ACTR3C: variants seen among roughly 807,000 people sequenced by gnomAD.
ACTR3C encodes actin related protein 3C.
Under a neutral mutation model 26.3 loss-of-function variants are expected in ACTR3C, and 18 were observed. The observed-to-expected ratio is 0.68, with a 90% CI of 0.47 to 1.01. The LOEUF is 1.01. ACTR3C is among the 50% of genes least tolerant of loss of function. The pLI is 0.00. For synonymous variants in ACTR3C, 55 were observed against 94.5 expected (o/e 0.58, Z 2.42); for missense variants, 184 against 250.7 (o/e 0.73, Z 1.80).
the ACTR3C span, among the ~76,000 whole-genome samples, chr7:150,175,319 T>C: frequency 7.0e-6 from 1 of 143,856 alleles, no homozygotes; most frequent in Non-Finnish European, 1.5e-5. Context: ...ATCCTCAGTC[T>C]GCCATTCAGA....
chr7:149,967,881 G>C, the ACTR3C span, among the ~76,000 whole-genome samples: 1 of 152,134 alleles, frequency 6.6e-6, no homozygotes, highest in South Asian at 2.1e-4. Context: ...TTTTCTTCTT[G>C]GGGGTGTGTC....
At chr7:150,222,319 A>G in the ACTR3C span, among the ~76,000 whole-genome samples, 1 of 152,184 alleles carries the variant, frequency 6.6e-6, no homozygotes, top group African/African-American at 2.4e-5. Context: ...TCCTTGGGCA[A>G]ATTATTTCTC....
chr7:150,081,698 T>A, the ACTR3C span, among the ~76,000 whole-genome samples: 3 of 151,388 alleles, frequency 2.0e-5, no homozygotes, highest in African/African-American at 7.4e-5. Context: ...TTTTTCCATA[T>A]TTCCCCTACA....
At chr7:150,098,738 A>G in the ACTR3C span, among the ~76,000 whole-genome samples, 1 of 151,906 alleles carries the variant, frequency 6.6e-6, no homozygotes, top group African/African-American at 2.4e-5. Context: ...AAAAGCCTCC[A>G]TGCTCCGTGG....
At chr7:150,155,166 G>A in the ACTR3C span, among the ~76,000 whole-genome samples, 12 of 152,108 alleles carry the variant, frequency 7.9e-5, no homozygotes, top group South Asian at 4.2e-4. Context: ...AAGTGCCCAC[G>A]GAGATCCGGT....
chr7:150,038,003 T>G, the ACTR3C span, among the ~76,000 whole-genome samples: 1 of 130,486 alleles, frequency 7.7e-6, no homozygotes, highest in Admixed American at 7.3e-5. Context: ...CTCGCGGGAA[T>G]TGCCTCCCCC....
chr7:149,921,987 G>A, the ACTR3C span, among the ~76,000 whole-genome samples: 21 of 150,702 alleles, frequency 1.4e-4, no homozygotes, highest in Admixed American at 8.8e-4. Flanking sequence ...TTTTCTGTGC[G>A]TAGTCCCATG....
At chr7:150,013,397 G>A in the ACTR3C span, among the ~76,000 whole-genome samples, 29 of 152,210 alleles carry the variant, frequency 1.9e-4, 1 homozygote, top group Admixed American at 7.9e-4. Flanking sequence ...CAAGGTTTAG[G>A]TGAACCTCAC....
chr7:150,031,204 C>A, the ACTR3C span, among the ~76,000 whole-genome samples: 1 of 151,188 alleles, frequency 6.6e-6, no homozygotes, highest in Non-Finnish European at 1.5e-5. Context: ...TTACAGTGAG[C>A]TGAGATTGTA....
chr7:150,037,081 T>A, the ACTR3C span, among the ~76,000 whole-genome samples: 1 of 80,186 alleles, frequency 1.2e-5, no homozygotes, highest in African/African-American at 4.3e-5. Flanking sequence ...TGCCTCCCCC[T>A]CGTGCGATGG....
the ACTR3C span, among the ~76,000 whole-genome samples, chr7:149,901,692 T>C: frequency 1.3e-5 from 2 of 151,966 alleles, no homozygotes; most frequent in African/African-American, 4.8e-5. Flanking sequence ...GGCAGGTGGA[T>C]AGCTTGAGGC....
At chr7:150,219,826 C>G in the ACTR3C span, among the ~76,000 whole-genome samples, 5 of 145,004 alleles carry the variant, frequency 3.4e-5, no homozygotes, top group African/African-American at 5.7e-5. Flanking sequence ...GCGCGCTTCC[C>G]GGGAAAGAGC....
the ACTR3C span, among the ~76,000 whole-genome samples, chr7:150,066,456 C>G: frequency 6.6e-6 from 1 of 152,238 alleles, no homozygotes; most frequent in Non-Finnish European, 1.5e-5. Context: ...GCAGTAGTAT[C>G]TTTCTTGCTA....
chr7:150,018,838 A>AT, the ACTR3C span, among the ~76,000 whole-genome samples: 1 of 150,408 alleles, frequency 6.6e-6, no homozygotes, highest in Admixed American at 6.6e-5. Context: ...GACTTTCAAG[A>AT]TTTTCTGACA....
downstream of ACTR3C, among the ~76,000 whole-genome samples, chr7:150,243,440 G>A (rs1007307498): frequency 1.3e-5 from 2 of 151,762 alleles, no homozygotes; most frequent in Non-Finnish European, 2.9e-5. Flanking sequence ...TATTTTGGGT[G>A]GAACTTATGG....
chr7:150,184,451 TA>T, the ACTR3C span, among the ~76,000 whole-genome samples: 4 of 150,520 alleles, frequency 2.7e-5, no homozygotes, highest in Non-Finnish European at 4.4e-5. Context: ...GGAACCTGGG[TA>T]ACCATAGAGT....
chr7:150,261,254 A>C (rs2129610042), intron 6 of ACTR3C, among the ~76,000 whole-genome samples: 1 of 152,320 alleles, frequency 6.6e-6, no homozygotes, highest in East Asian at 1.9e-4. Context: ...GCCTGGATGC[A>C]TAATGGAAGT....
chr7:149,924,656 G>A, the ACTR3C span, among the ~76,000 whole-genome samples: 36,536 of 151,510 alleles, frequency 0.24, 5,074 homozygotes, highest in South Asian at 0.37. Context: ...GACAGCGTCT[G>A]GCTCTGTTGC....
the ACTR3C span, among the ~76,000 whole-genome samples, chr7:150,084,967 G>A: frequency 6.6e-6 from 1 of 152,102 alleles, no homozygotes; most frequent in African/African-American, 2.4e-5. Context: ...TTTTGGAGAT[G>A]GGATCGATGA....
Sources: allele counts gnomAD v4.1 joint callset (sites outside exome capture counted in the v4.1 genomes callset), GRCh38; gene constraint gnomAD v4.1.1; transcripts MANE v1.5; gene names NCBI Gene and HGNC (gene_info 2026-07-23, HGNC 2026-07-21).